Variants in RCOR3 observed in about 807,000 individuals in gnomAD.
RCOR3 encodes REST corepressor 3.
In RCOR3, 13 loss-of-function variants were observed where a neutral mutation model predicts 64.1. That is an observed-to-expected ratio of 0.20 (90% CI 0.13 to 0.32). The LOEUF is 0.32. RCOR3 is among the 10% of genes least tolerant of loss of function. The pLI is 1.00. For missense variants in RCOR3, 489 were observed against 701.2 expected (o/e 0.70, Z 3.42); for synonymous variants, 215 against 239.0 (o/e 0.90, Z 0.93).
chr1:211,297,083 A>C (rs1036685151), intron 9 of RCOR3, among the ~76,000 whole-genome samples: 4 of 152,142 alleles, frequency 2.6e-5, no homozygotes, highest in Non-Finnish European at 5.9e-5. Flanking sequence ...ATCATTAAAT[A>C]AAACGAAAGA....
intron 9 of RCOR3, among the ~76,000 whole-genome samples, chr1:211,297,655 G>A (rs962481143): frequency 1.1e-4 from 17 of 152,218 alleles, no homozygotes; most frequent in African/African-American, 4.1e-4. Flanking sequence ...ATATACTGAA[G>A]TTTGGATATT....
chr1:211,262,051 T>TTTG (rs1217978307), intron 2 of RCOR3, among the ~76,000 whole-genome samples: 1 of 123,226 alleles, frequency 8.1e-6, no homozygotes, highest in Non-Finnish European at 1.7e-5. Context: ...TTTTTTTTTT[T>TTTG]TTTTGAGGTG....
intron 3 of RCOR3, among the ~76,000 whole-genome samples, chr1:211,272,944 T>C (rs138149600): frequency 4.8e-4 from 73 of 152,230 alleles, no homozygotes; most frequent in African/African-American, 1.7e-3. Flanking sequence ...TTTTAAAAGC[T>C]CCCACACTGA....
rs573057611 is a variant in RCOR3, at chr1:211,314,173, T to TA, written c.*405_*406insA. ...TAGGAATTGTGAAAACTCCTTAAGT[T>TA]TCTTAAGTTAAGGATGTTTGGCTTT... On this transcript the variant is annotated 3_prime_UTR_variant, in exon 12 of 12. Transcript: ENST00000419091. 4.3e-4 allele frequency: 67 copies of TA among 157,140 alleles called. 2 individuals are homozygous for TA. In the South Asian group the frequency reaches 0.013, roughly 29 times the overall value. 9.7% of individuals were successfully genotyped at this position (157,140 alleles called of 1,614,324 possible).
chr1:211,276,973 C>G (rs925749601), intron 5 of RCOR3, among the ~76,000 whole-genome samples: 1 of 151,662 alleles, frequency 6.6e-6, no homozygotes, highest in East Asian at 1.9e-4. Context: ...GTAGCCCCAG[C>G]TACTTGGGAG....
intron 2 of RCOR3, among the ~76,000 whole-genome samples, chr1:211,264,570 A>T (rs1363291952): frequency 6.6e-6 from 1 of 152,194 alleles, no homozygotes; most frequent in Non-Finnish European, 1.5e-5. Context: ...CTGTACTTCC[A>T]GCTACTTAGA....
chr1:211,277,039 T>C (rs1697074538), intron 5 of RCOR3, among the ~76,000 whole-genome samples: 1 of 151,492 alleles, frequency 6.6e-6, no homozygotes, highest in South Asian at 2.1e-4. Context: ...TGAACCGAGA[T>C]TGCACTACTG....
chr1:211,300,484 T>G (rs1229477092), intron 9 of RCOR3, among the ~76,000 whole-genome samples: 3 of 152,202 alleles, frequency 2.0e-5, no homozygotes, highest in East Asian at 3.9e-4. Flanking sequence ...ACCCTTGATA[T>G]AGATGACTAC....
rs760922105 is a variant in RCOR3, at chr1:211,289,202, A to C, written c.745A>C (p.Thr249Pro). 13 of 1,613,938 alleles carry C rather than the reference A, an allele frequency of 8.1e-6. 1 individual carries two copies. In the Admixed American group the frequency reaches 2.2e-4, roughly 27 times the overall value. Residue 249 changes from threonine to proline, a missense_variant, in exon 8 of 12, where the codon ACT becomes CCT. Thr to Pro is a conservative substitution (Grantham distance 38). Transcript: ENST00000419091. Reference protein sequence around the residue: ...KEGNTEQPVQTSKIGLGRREY... With the variant: ...KEGNTEQPVQPSKIGLGRREY... ...GGGTAATACTGAACAACCTGTCCAA[A>C]CTAGCAAGATTGGACTTGGAAGAAG...
chr1:211,274,691 T>TA (rs1249902492), intron 4 of RCOR3, among the ~76,000 whole-genome samples: 1 of 152,032 alleles, frequency 6.6e-6, no homozygotes, highest in Non-Finnish European at 1.5e-5. Context: ...ATCTAAAAGT[T>TA]AAACTTTACA....
At chr1:211,296,933 A>G (rs1389571118) in intron 9 of RCOR3, among the ~76,000 whole-genome samples, 3 of 152,140 alleles carry the variant, frequency 2.0e-5, no homozygotes, top group African/African-American at 7.2e-5. Flanking sequence ...TAAATAAAAT[A>G]CCGCAGATAT....
At chr1:211,288,319 T>A (rs984135705) in intron 7 of RCOR3, among the ~76,000 whole-genome samples, 1 of 151,444 alleles carries the variant, frequency 6.6e-6, no homozygotes, top group Non-Finnish European at 1.5e-5. Context: ...TATATCATAC[T>A]TTAAGAACAA....
At chr1:211,279,773 G>A (rs1438841117) in intron 7 of RCOR3, among the ~76,000 whole-genome samples, 2 of 152,018 alleles carry the variant, frequency 1.3e-5, no homozygotes, top group African/African-American at 4.8e-5. Context: ...TCCCAGAAAC[G>A]TGGTCCCAAT....
intron 9 of RCOR3, chr1:211,302,008 A>G (rs748379885): frequency 1.3e-5 from 2 of 152,208 alleles, no homozygotes; most frequent in Non-Finnish European, 2.9e-5. Flanking sequence ...AGAGCAACCT[A>G]CAACATAGTT....
At chr1:211,266,271 TTATA>T (rs1695176073) in intron 2 of RCOR3, among the ~76,000 whole-genome samples, 2 of 152,300 alleles carry the variant, frequency 1.3e-5, no homozygotes, top group South Asian at 4.1e-4. Context: ...TTTAAGTTCT[TTATA>T]TAGTATATTT....
intron 8 of RCOR3, among the ~76,000 whole-genome samples, chr1:211,290,076 A>G (rs536811319): frequency 3.3e-5 from 5 of 152,298 alleles, no homozygotes; most frequent in African/African-American, 1.2e-4. Context: ...ATTCGTTGCT[A>G]TTAGATCTCT....
At position 211,289,266 on chromosome 1, in the gene RCOR3, G is replaced by T; in HGVS notation, c.809G>T (p.Arg270Leu). The change falls in exon 8 of 12, where the codon CGT becomes CTT. Residue 270 changes from arginine (R) to leucine (L), a missense_variant. Coordinates refer to ENST00000419091, the MANE Select transcript of RCOR3 (RefSeq NM_001136223.3). Reference sequence around the variant, plus strand: ...TTACAACATCGCCATCATTCTCAGCGTTCTAAGTGCCGTCCACCTAAGGGC... The same window carrying T: ...TTACAACATCGCCATCATTCTCAGCTTTCTAAGTGCCGTCCACCTAAGGGC... The part of the protein sequence containing the change: ...QSLQHRHHSQ[R>L]SKCRPPKGMY... The T allele has an allele frequency of 6.2e-7, 1 of 1,614,052 alleles. No individual in the cohort carries two copies. The highest frequency in any genetic ancestry group is 8.5e-7 in the Non-Finnish European group (1 of 1,179,998).
In RCOR3 at chr1:211,279,330, C is replaced by G. The variant is rs2102514070; in HGVS notation, c.720+14C>G. 6.4e-7 allele frequency: 1 copy of G among 1,563,734 alleles called. No individual in the cohort carries two copies. The highest frequency in any genetic ancestry group is 8.8e-7 in the Non-Finnish European group (1 of 1,135,992). On this transcript the variant is annotated intron_variant, in intron 7 of 11. Coordinates refer to ENST00000419091, the MANE Select transcript of RCOR3 (RefSeq NM_001136223.3). ...GCCAAAAAAGAGGTAATGATGATCA[C>G]TAGAAGTACTTGTGATTGTTCTACA...
chr1:211,288,833 C>CT (rs764550992), intron 7 of RCOR3, among the ~76,000 whole-genome samples: 1 of 151,928 alleles, frequency 6.6e-6, no homozygotes. Context: ...AATAAGGTGG[C>CT]TTTTCCCCCC....
Sources: gnomAD v4.1 joint callset for allele counts (sites outside exome capture counted in the v4.1 genomes callset) on GRCh38, gnomAD v4.1.1 for gene constraint, MANE v1.5 for transcripts, NCBI Gene and HGNC (gene_info 2026-07-23, HGNC 2026-07-21) for gene names.